Variants in PRRC2B observed in about 807,000 individuals in gnomAD.
PRRC2B encodes the protein protein PRRC2B.
Under a neutral mutation model 242.3 loss-of-function variants are expected in PRRC2B, and 68 were observed. The observed-to-expected ratio is 0.28, with a 90% confidence interval of 0.23 to 0.34. The LOEUF is 0.34. PRRC2B is among the 10% of genes least tolerant of loss of function. The pLI, the probability that PRRC2B is intolerant of heterozygous loss-of-function variation, is 1.00. For missense variants in PRRC2B, 2,835 were observed against 2,954.8 expected, an observed-to-expected ratio of 0.96 and a Z score of 0.94; for synonymous variants, 1,228 against 1,173.6, an observed-to-expected ratio of 1.05 and a Z score of -0.95.
chr9:131,426,253 G>T (rs1485086606), intron 1 of PRRC2B, among the ~76,000 whole-genome samples: 1 of 148,306 alleles, frequency 6.7e-6, no homozygotes, highest in Non-Finnish European at 1.5e-5. Flanking sequence ...CAGGAGAATT[G>T]CTTGAATCTG....
intron 3 of PRRC2B, among the ~76,000 whole-genome samples, chr9:131,435,673 G>A (rs2994056): frequency 6.6e-6 from 1 of 151,690 alleles, no homozygotes; most frequent in Admixed American, 6.6e-5. Context: ...TATCTGTAAG[G>A]GGGAAGAAAA....
At chr9:131,383,779 G>A (rs1836792524) in intron 1 of PRRC2B, among the ~76,000 whole-genome samples, 1 of 151,496 alleles carries the variant, frequency 6.6e-6, no homozygotes, top group Non-Finnish European at 1.5e-5. Flanking sequence ...CCACCACCAT[G>A]CCCAGCTAAT....
intron 9 of PRRC2B, among the ~76,000 whole-genome samples, chr9:131,454,103 T>C (rs1163146803): frequency 6.6e-6 from 1 of 152,244 alleles, no homozygotes; most frequent in Non-Finnish European, 1.5e-5. Flanking sequence ...TTCTGGACAT[T>C]TCCTATCAAT....
chr9:131,420,474 T>TTTCTTTCTTTCTTTCTTTCC, intron 1 of PRRC2B, among the ~76,000 whole-genome samples: 1 of 12,190 alleles, frequency 8.2e-5, no homozygotes, highest in African/African-American at 1.7e-4. Flanking sequence ...TCTTTCTTTC[T>TTTCTTTCTTTCTTTCTTTCC]TTCTTTCTTT....
rs549407726 is a variant in PRRC2B at position 131,495,949 on chromosome 9, G to A, written c.*75G>A. 7.3e-5 allele frequency: 114 copies of A among 1,561,158 alleles called. No individual in the cohort carries two copies. Among genetic ancestry groups the A allele is most frequent in the Non-Finnish European group, 9.0e-5 (103 of 1,148,962 alleles). On this transcript the variant is annotated 3_prime_UTR_variant, in exon 32 of 32. Coordinates refer to ENST00000683519, the MANE Select transcript of PRRC2B (RefSeq NM_013318.4). ...TGCGGCCTCGACACAGCCGACACTCGGGAGCCTCACCAGATCCACCGTCCA... is the reference window on the plus strand; with the variant it reads ...TGCGGCCTCGACACAGCCGACACTCAGGAGCCTCACCAGATCCACCGTCCA...
chr9:131,459,485 A>G, intron 11 of PRRC2B, 129 bp downstream of exon 11: 3 of 862,438 alleles, frequency 3.5e-6, no homozygotes, highest in South Asian at 1.8e-5. Context: ...ATGTTTTTTC[A>G]TAGAGACAGG....
intron 5 of PRRC2B, among the ~76,000 whole-genome samples, chr9:131,439,278 CAGA>C (rs1838477940): frequency 1.3e-5 from 2 of 152,152 alleles, no homozygotes; most frequent in Non-Finnish European, 1.5e-5. Flanking sequence ...CTTGCTGAGA[CAGA>C]GGAGTGCTGA....
rs1354705949 is a variant in PRRC2B at position 131,475,503 on chromosome 9, A to G, written c.3374A>G (p.Lys1125Arg). The G allele has an allele frequency of 6.2e-7, 1 of 1,607,408 alleles. No individual in the cohort carries two copies. The highest frequency in any genetic ancestry group is 8.5e-7 in the Non-Finnish European group (1 of 1,176,738). ...FARPEDCPRA[K>R]PRRRVASETH... ...CGGCCAGAGGACTGCCCCAGAGCCA[A>G]GCCCCGACGGAGAGTTGCCAGTGAG... Residue 1125 changes from lysine to arginine, a missense_variant, in exon 16 of 32, where the codon AAG (lysine) becomes AGG (arginine). Physicochemically the swap from Lys to Arg is conservative, Grantham distance 26. Coordinates refer to ENST00000683519, the MANE Select transcript of PRRC2B (RefSeq NM_013318.4).
rs1175506984 is a variant in PRRC2B at position 131,446,032 on chromosome 9, C to T, written c.614-369C>T. ...GTTTTAATGTGTAGTCCAGTGCTGA[C>T]CCTAAGTGGGCTGGTCAGTGTTTGT... is the stretch of plus-strand genomic sequence containing the variant. On this transcript the variant is annotated intron_variant, in intron 6 of 31. Transcript: ENST00000683519. This position sits in a 1 kb window ranked among gnomAD's most constrained non-coding sequence, Gnocchi z 4.1. 6.6e-6 allele frequency among the ~76,000 whole-genome samples: 1 copy of T among 152,154 alleles called. No homozygotes were observed. Among genetic ancestry groups the T allele is most frequent in the Non-Finnish European group, 1.5e-5 (1 of 68,042 alleles).
At chr9:131,394,649 C>G (rs1309262059) in intron 1 of PRRC2B, among the ~76,000 whole-genome samples, 4 of 151,214 alleles carry the variant, frequency 2.6e-5, no homozygotes, top group Non-Finnish European at 5.9e-5. Context: ...GCAGCCGGGT[C>G]TCGGGGTTCT....
chr9:131,409,771 CGTCT>C (rs996289723), intron 1 of PRRC2B, among the ~76,000 whole-genome samples: 1 of 152,282 alleles, frequency 6.6e-6, no homozygotes, highest in East Asian at 1.9e-4. Context: ...CTAGTTCAAT[CGTCT>C]GTCTCTGTTG....
At chr9:131,492,023 T>C in intron 29 of PRRC2B, 146 bp from the exon 30 acceptor site, 1 of 647,014 alleles carries the variant, frequency 1.5e-6, no homozygotes, top group Non-Finnish European at 2.7e-6. Context: ...AACTGGGCCC[T>C]GGTGCCAAAA....
chr9:131,374,151 T>C (rs1253442703), intron 1 of PRRC2B, among the ~76,000 whole-genome samples: 1 of 151,810 alleles, frequency 6.6e-6, no homozygotes, highest in South Asian at 2.1e-4. Context: ...TCATTACACA[T>C]TGTATGCATG....
chr9:131,446,344 C>T lies in PRRC2B; in HGVS notation c.614-57C>T, dbSNP rs1003493611. On this transcript the variant is annotated intron_variant, in intron 6 of 31. Transcript: ENST00000683519. The surrounding 1 kb of genome is among the most constrained non-coding windows in gnomAD (Gnocchi z 4.1). Reference sequence around the variant, plus strand: ...GTCCCTTGACCTTCAGAACCTCATACGATCCCTCCTTCCCCCTCCTCTTCC... The same window carrying T: ...GTCCCTTGACCTTCAGAACCTCATATGATCCCTCCTTCCCCCTCCTCTTCC... 3.4e-5 allele frequency: 54 copies of T among 1,593,816 alleles called. No homozygotes were observed. Among genetic ancestry groups the T allele is most frequent in the South Asian group, 7.8e-5 (7 of 89,210 alleles).
chr9:131,420,508 T>TTCTTTTCTTTC (rs1837808252), intron 1 of PRRC2B, among the ~76,000 whole-genome samples: 5 of 129,598 alleles, frequency 3.9e-5, no homozygotes, highest in African/African-American at 1.4e-4. Context: ...TTTTTTTTTT[T>TTCTTTTCTTTC]TTGAGATGGA....
At chr9:131,375,816 G>A (rs1229270125) in intron 1 of PRRC2B, among the ~76,000 whole-genome samples, 1 of 152,028 alleles carries the variant, frequency 6.6e-6, no homozygotes, top group East Asian at 1.9e-4. Context: ...ATCACCTGAG[G>A]TGTTCAAGAC....
Position 131,492,234 on chromosome 9 carries a change from C to T in PRRC2B, c.6447C>T (p.Gly2149=). Residue 2149 remains glycine, a synonymous_variant, in exon 30 of 32, where the codon GGC becomes GGT. Coordinates refer to ENST00000683519, the MANE Select transcript of PRRC2B (RefSeq NM_013318.4). ...GTAAACAGAATGTCCCTTCAGGAGG[C>T]CCCGTGCCATCGCCACAGACCTACA... ...ADSKQNVPSG[G]PVPSPQTYRP... The T allele has an allele frequency of 1.2e-6, 2 of 1,613,782 alleles. No individual in the cohort carries two copies. Among genetic ancestry groups the T allele is most frequent in the South Asian group, 2.2e-5 (2 of 91,076 alleles).
Position 131,475,205 on chromosome 9 carries a change from C to T in PRRC2B, c.3076C>T (p.Pro1026Ser), listed in dbSNP as rs1195999893. The T allele has an allele frequency of 2.5e-6, 4 of 1,613,752 alleles. No homozygotes were observed. The highest frequency in any genetic ancestry group is 1.1e-5 in the South Asian group (1 of 91,078). The change falls in exon 16 of 32, where the codon CCT becomes TCT. Residue 1026 changes from proline (P) to serine (S), a missense_variant. Pro to Ser is a moderately conservative substitution (Grantham distance 74). This residue lies in a region of PRRC2B where 1,536 missense variants were observed against 1,483.1 expected (regional missense o/e 1.04). Coordinates refer to ENST00000683519, the MANE Select transcript of PRRC2B (RefSeq NM_013318.4). ...CACCAAATTTGAAGAGGAGGAGAAACCTGACAAGGCCTGGGAAGCCAGACC... is the reference window on the plus strand; with the variant it reads ...CACCAAATTTGAAGAGGAGGAGAAATCTGACAAGGCCTGGGAAGCCAGACC... ...EATKFEEEEK[P>S]DKAWEARPPR...
intron 19 of PRRC2B, 54 bp from the exon 20 acceptor site, chr9:131,481,672 C>A: frequency 1.4e-6 from 2 of 1,397,236 alleles, no homozygotes; most frequent in Non-Finnish European, 2.0e-6. Flanking sequence ...AGCTCATAAA[C>A]TCTCTAGACG....
Sources: allele counts gnomAD v4.1 joint callset (sites outside exome capture counted in the v4.1 genomes callset), GRCh38; gene constraint gnomAD v4.1.1; regional missense constraint gnomAD v4.1.1; non-coding constraint Gnocchi (gnomAD v3.1); transcripts MANE v1.5; gene names NCBI Gene and HGNC (gene_info 2026-07-23, HGNC 2026-07-21).